The following PALM2AKAP2 variants were observed in gnomAD, a reference collection of about 807,000 sequenced individuals.
PALM2AKAP2 encodes the protein PALM2 and AKAP2 fusion, also known as PALM2-AKAP2 fusion protein.
PALM2AKAP2 carries 37 observed loss-of-function variants against 71.5 expected under a neutral mutation model. The observed-to-expected ratio is 0.52, with a 90% CI of 0.40 to 0.68. PALM2AKAP2 has a LOEUF of 0.68. Ranked by LOEUF, PALM2AKAP2 falls within the 30% of genes least tolerant of loss-of-function variation. The probability of loss-of-function intolerance (pLI) is 0.00; values close to 1 mark genes in which losing one functional copy is unlikely to be tolerated. For missense variants in PALM2AKAP2, 1,224 were observed against 1,191.8 expected, an observed-to-expected ratio of 1.03 and a Z score of -0.40; for synonymous variants, 468 against 478.8, an observed-to-expected ratio of 0.98 and a Z score of 0.29.
intron 1 of PALM2AKAP2, among the ~76,000 whole-genome samples, chr9:110,128,527 C>A (rs1008719776): frequency 6.6e-6 from 1 of 152,180 alleles, no homozygotes. Flanking sequence ...ATCGGGTCAC[C>A]TATTATCTGG....
At chr9:110,041,177 G>A (rs538331111) in intron 7 of PALM2AKAP2, among the ~76,000 whole-genome samples, 63 of 152,096 alleles carry the variant, frequency 4.1e-4, no homozygotes, top group Non-Finnish European at 8.5e-4. Flanking sequence ...TCTGTCCTCT[G>A]GGCTCTTTCT....
At chr9:109,687,249 G>T (rs1001080072) in intron 1 of PALM2AKAP2, among the ~76,000 whole-genome samples, 1 of 152,160 alleles carries the variant, frequency 6.6e-6, no homozygotes, top group Non-Finnish European at 1.5e-5. Flanking sequence ...AAGAGAGTCA[G>T]CCTGTCCTTT....
intron 7 of PALM2AKAP2, among the ~76,000 whole-genome samples, chr9:110,039,651 C>T (rs1288927908): frequency 1.3e-5 from 2 of 152,068 alleles, no homozygotes; most frequent in Non-Finnish European, 2.9e-5. Flanking sequence ...GATATGCCTT[C>T]ACCCATCCCA....
chr9:110,138,122 G>T (rs138545173), exon 2 of PALM2AKAP2: 335 of 1,614,020 alleles, frequency 2.1e-4, no homozygotes, highest in Admixed American at 2.7e-4. Context: ...GCCACCTCAG[G>T]TGTCTTCTCC....
intron 3 of PALM2AKAP2, among the ~76,000 whole-genome samples, chr9:110,167,985 A>G (rs972163826): frequency 6.6e-6 from 1 of 152,200 alleles, no homozygotes; most frequent in African/African-American, 2.4e-5. Context: ...CAAGTGCTCA[A>G]TAGCCACGTA....
chr9:109,773,142 CT>C (rs1232288020), intron 1 of PALM2AKAP2, among the ~76,000 whole-genome samples: 18 of 148,816 alleles, frequency 1.2e-4, no homozygotes, highest in East Asian at 2.0e-4. Context: ...GTTGCAAAGT[CT>C]TTTTTTTTTG....
chr9:109,673,983 A>G (rs929966873), intron 1 of PALM2AKAP2, among the ~76,000 whole-genome samples: 12 of 151,758 alleles, frequency 7.9e-5, no homozygotes, highest in African/African-American at 2.7e-4. Context: ...TTTTGAGTCT[A>G]TGTTTGTCAT....
chr9:109,862,167 G>A (rs771025391), intron 1 of PALM2AKAP2, among the ~76,000 whole-genome samples: 1 of 152,084 alleles, frequency 6.6e-6, no homozygotes, highest in African/African-American at 2.4e-5. Flanking sequence ...AAAGGAGGGA[G>A]TGATGCAATC....
chr9:110,011,237 A>T (rs889539872), intron 6 of PALM2AKAP2, among the ~76,000 whole-genome samples: 12 of 148,086 alleles, frequency 8.1e-5, no homozygotes, highest in Middle Eastern at 3.6e-3. Flanking sequence ...TATTTCTATT[A>T]TATATATATA....
chr9:109,659,600 G>C (rs957443871), intron 1 of PALM2AKAP2, among the ~76,000 whole-genome samples: 7 of 151,968 alleles, frequency 4.6e-5, no homozygotes, highest in Admixed American at 4.6e-4. Context: ...AGTATTCCAG[G>C]TCTTTTATTG....
intron 1 of PALM2AKAP2, among the ~76,000 whole-genome samples, chr9:110,115,583 G>A (rs1016679040): frequency 6.6e-6 from 1 of 152,174 alleles, no homozygotes; most frequent in African/African-American, 2.4e-5. Context: ...GACTTTCCTC[G>A]AGTTCTCTTT....
rs112470786 is a variant in PALM2AKAP2, at chr9:109,916,164, A to T, written c.258-7571A>T. ...TCACCACATTGGACAGGCTGGTCTGAAACTCCTGACCTCAAGTGATCCACC... is the reference window on the plus strand; with the variant it reads ...TCACCACATTGGACAGGCTGGTCTGTAACTCCTGACCTCAAGTGATCCACC... On this transcript the variant is annotated intron_variant, in intron 3 of 9. Coordinates refer to the PALM2AKAP2 transcript ENST00000302798. Among the ~76,000 whole-genome samples the T allele has an allele frequency of 2.4e-3, 365 of 152,304 alleles. 1 individual carries two copies. Among genetic ancestry groups the T allele is most frequent in the African/African-American group, 8.3e-3 (343 of 41,562 alleles).
In PALM2AKAP2 at chr9:110,153,046, G is replaced by A. The variant is rs112885591; in HGVS notation, c.2570-3273G>A. On this transcript the variant is annotated intron_variant, in intron 2 of 3. Transcript: ENST00000374525. ...GACCATTCTCAGCCCCCTTGTTCCT[G>A]GAAGCCCCTGCTCCAGAACTGCTAA... Among the ~76,000 whole-genome samples the A allele has an allele frequency of 2.5e-4, 38 of 152,262 alleles. 1 individual carries two copies. Among genetic ancestry groups the A allele is most frequent in the African/African-American group, 8.7e-4 (36 of 41,532 alleles).
intron 2 of PALM2AKAP2, among the ~76,000 whole-genome samples, chr9:109,873,199 A>G (rs1829645265): frequency 6.6e-6 from 1 of 152,190 alleles, no homozygotes; most frequent in Non-Finnish European, 1.5e-5. Flanking sequence ...GCAGTGGCTC[A>G]TGCCTGTAAT....
At chr9:109,949,401 T>C (rs899500422) in intron 6 of PALM2AKAP2, among the ~76,000 whole-genome samples, 1 of 152,236 alleles carries the variant, frequency 6.6e-6, no homozygotes, top group Non-Finnish European at 1.5e-5. Flanking sequence ...CCATTCGTTA[T>C]AGTCGAAGAT....
At chr9:110,086,350 A>G (rs537037248) in intron 1 of PALM2AKAP2, among the ~76,000 whole-genome samples, 10 of 152,338 alleles carry the variant, frequency 6.6e-5, no homozygotes, top group African/African-American at 2.2e-4. Flanking sequence ...TGTGCTTAAT[A>G]CTATGATTAT....
rs11368227 is a variant in PALM2AKAP2 at position 109,920,373 on chromosome 9, C to CTT, written c.258-3347_258-3346dup. Among the ~76,000 whole-genome samples the CTT allele has an allele frequency of 3.9e-3, 549 of 141,794 alleles. 6 individuals carry two copies. Among genetic ancestry groups the CTT allele is most frequent in the African/African-American group, 0.011 (426 of 38,148 alleles). The allele number at this position is 141,794 out of a possible 152,430, so 93.0% of individuals were successfully genotyped here. On this transcript the variant is annotated intron_variant, in intron 3 of 9. Coordinates refer to the PALM2AKAP2 transcript ENST00000302798. ...GGAATATTTTTGAGAATAATGTAAT[C>CTT]TTTTTTTTTTTTTTTTGAGATGGAG...
intron 1 of PALM2AKAP2, among the ~76,000 whole-genome samples, chr9:110,089,387 A>G (rs1834653889): frequency 1.3e-5 from 2 of 152,212 alleles, no homozygotes; most frequent in South Asian, 4.1e-4. Context: ...TTATTAAGGA[A>G]TATGGCATGG....
intron 2 of PALM2AKAP2, among the ~76,000 whole-genome samples, chr9:110,148,967 G>C (rs367662539): frequency 3.9e-5 from 6 of 152,304 alleles, no homozygotes; most frequent in African/African-American, 1.4e-4. Flanking sequence ...GCTGTATTCT[G>C]AGTGCATGCA....
Sources: allele counts gnomAD v4.1 joint callset (sites outside exome capture counted in the v4.1 genomes callset), GRCh38; gene constraint gnomAD v4.1.1; transcripts MANE v1.5; gene names NCBI Gene and HGNC (gene_info 2026-07-23, HGNC 2026-07-21).